TIA1: variants seen among roughly 807,000 people sequenced by gnomAD.
The protein encoded by TIA1 is cytotoxic granule associated RNA binding protein TIA1.
A neutral mutation model predicts 65.9 loss-of-function variants in TIA1; 23 were observed. The ratio of observed to expected loss-of-function variants is 0.35; its 90% CI spans 0.25 to 0.49. The LOEUF (loss-of-function observed/expected upper bound fraction) is 0.49, where lower values mean the gene tolerates loss of function less well. TIA1 is among the 20% of genes least tolerant of loss of function. The pLI is 0.98. For synonymous variants in TIA1, 147 were observed against 149.4 expected (o/e 0.98, Z 0.12); for missense variants, 371 against 477.9 (o/e 0.78, Z 2.09).
intron 7 of TIA1, among the ~76,000 whole-genome samples, chr2:70,218,177 T>G (rs1679508312): frequency 2.0e-5 from 3 of 152,048 alleles, no homozygotes; most frequent in Admixed American, 6.5e-5. Flanking sequence ...ACAGGATGAA[T>G]AAGAAAGGTC....
intron 3 of TIA1, among the ~76,000 whole-genome samples, chr2:70,229,794 T>G (rs1323179030): frequency 6.6e-6 from 1 of 151,908 alleles, no homozygotes; most frequent in African/African-American, 2.4e-5. Flanking sequence ...AAAAATTAGC[T>G]GGGCATGATG....
chr2:70,236,036 T>TA lies in TIA1; in HGVS notation c.123+42dup, dbSNP rs368044526. On this transcript the variant is annotated intron_variant, in intron 2 of 12. Transcript: ENST00000433529. ...CCAAGCAATGGCTTTAAGTAATGTGTAAAAAAAAAAAGAATAAAGTTAACT... is the reference window on the plus strand; with the variant it reads ...CCAAGCAATGGCTTTAAGTAATGTGTAAAAAAAAAAAAGAATAAAGTTAACT... 0.036 allele frequency: 33,700 copies of TA among 925,238 alleles called. 290 individuals are homozygous for TA. The highest frequency in any genetic ancestry group is 0.12 in the African/African-American group (7,124 of 58,428). The allele number at this position is 925,238 out of a possible 1,614,324, so 57.3% of individuals were successfully genotyped here. A position where few individuals can be genotyped will look rare whatever the true frequency, so the allele number is the denominator to read the frequency against.
At chr2:70,234,819 C>G (rs1688059058) in intron 2 of TIA1, among the ~76,000 whole-genome samples, 1 of 152,008 alleles carries the variant, frequency 6.6e-6, no homozygotes, top group African/African-American at 2.4e-5. Context: ...CTCGGCCTCC[C>G]AAAGTGCTGG....
upstream of TIA1, chr2:70,248,664 CG>C (rs1695629336): frequency 1.7e-6 from 1 of 599,528 alleles, no homozygotes; most frequent in African/African-American, 1.9e-5. Context: ...CAAAGTTACC[CG>C]GGCCGCGCAG....
intron 1 of TIA1, among the ~76,000 whole-genome samples, chr2:70,246,786 T>C (rs139096808): frequency 2.0e-5 from 3 of 151,938 alleles, no homozygotes; most frequent in African/African-American, 7.2e-5. Context: ...CTTGGGAGGG[T>C]GAGGCAGGAG....
chr2:70,238,419 C>A (rs1226624593), intron 1 of TIA1, among the ~76,000 whole-genome samples: 2 of 151,204 alleles, frequency 1.3e-5, no homozygotes, highest in African/African-American at 2.4e-5. Context: ...TACAGGCGCC[C>A]GCCACCACGC....
chr2:70,237,480 C>A (rs1689500314), intron 1 of TIA1, among the ~76,000 whole-genome samples: 1 of 152,188 alleles, frequency 6.6e-6, no homozygotes, highest in African/African-American at 2.4e-5. Flanking sequence ...GTTTTGCAAA[C>A]TGATTGCTTG....
chr2:70,234,781 C>A (rs2592180), intron 2 of TIA1, among the ~76,000 whole-genome samples: 1 of 151,476 alleles, frequency 6.6e-6, no homozygotes, highest in African/African-American at 2.4e-5. Flanking sequence ...AGGCTAGTCT[C>A]GAACTCCTGA....
chr2:70,221,629 A>C (rs1010414550), intron 7 of TIA1, among the ~76,000 whole-genome samples: 3 of 152,152 alleles, frequency 2.0e-5, no homozygotes, highest in African/African-American at 7.2e-5. Flanking sequence ...AAGTAGATTG[A>C]CAATTGTTCA....
chr2:70,216,004 G>A (rs540053160), intron 10 of TIA1: 69 of 523,938 alleles, frequency 1.3e-4, no homozygotes, highest in African/African-American at 1.2e-3. Flanking sequence ...CACCCGTCTC[G>A]GCCTCCCAAA....
chr2:70,229,217 C>T (rs1346823594), intron 4 of TIA1, 47 bp downstream of exon 4: 2 of 1,607,500 alleles, frequency 1.2e-6, no homozygotes, highest in Non-Finnish European at 1.7e-6. Context: ...AATAAAACTA[C>T]TGGGTACAAT....
At chr2:70,223,317 T>C (rs1682341197) in intron 7 of TIA1, among the ~76,000 whole-genome samples, 2 of 134,198 alleles carry the variant, frequency 1.5e-5, no homozygotes, top group African/African-American at 5.0e-5. Flanking sequence ...TAAATTCTCT[T>C]AATTTTTATT....
At chr2:70,244,696 G>T (rs1473394405) in intron 1 of TIA1, among the ~76,000 whole-genome samples, 1 of 151,846 alleles carries the variant, frequency 6.6e-6, no homozygotes, top group East Asian at 1.9e-4. Flanking sequence ...TTAGCCAGGC[G>T]TGGTGGCGGG....
At chr2:70,248,339 C>T in intron 1 of TIA1, 66 bp downstream of exon 1, 8 of 1,561,616 alleles carry the variant, frequency 5.1e-6, no homozygotes, top group Non-Finnish European at 6.9e-6. Context: ...GGGAGCGGCG[C>T]AGGGCCGAGG....
intron 1 of TIA1, among the ~76,000 whole-genome samples, chr2:70,246,659 G>A (rs940446840): frequency 1.3e-5 from 2 of 152,232 alleles, no homozygotes; most frequent in African/African-American, 4.8e-5. Context: ...GCCGAGGTGT[G>A]CGGATCACCT....
At chr2:70,236,267 C>T (rs553178118) in intron 1 of TIA1, 92 bp from the exon 2 acceptor site, 57 of 748,328 alleles carry the variant, frequency 7.6e-5, no homozygotes, top group Non-Finnish European at 1.2e-4. Flanking sequence ...GGCACGATCT[C>T]GGCTCACCAC....
chr2:70,214,643 A>AC (rs1429413984), intron 11 of TIA1, 149 bp from the exon 12 acceptor site: 5,347 of 486,180 alleles, frequency 0.011, 52 homozygotes, highest in African/African-American at 0.027. Flanking sequence ...AAAAAAAAAA[A>AC]AAAAAAAAAA....
At chr2:70,224,416 A>G (rs1396211106) in intron 7 of TIA1, 138 bp downstream of exon 7, 2 of 1,245,272 alleles carry the variant, frequency 1.6e-6, no homozygotes, top group African/African-American at 3.0e-5. Flanking sequence ...CAGACAAAAC[A>G]GAAGAAATCT....
intron 3 of TIA1, among the ~76,000 whole-genome samples, chr2:70,230,009 C>T (rs907368513): frequency 2.6e-5 from 4 of 151,322 alleles, no homozygotes; most frequent in East Asian, 3.9e-4. Context: ...GAGGCCGAGA[C>T]GGGCAGATCG....
Sources: allele counts gnomAD v4.1 joint callset (sites outside exome capture counted in the v4.1 genomes callset), GRCh38; gene constraint gnomAD v4.1.1; transcripts MANE v1.5; gene names NCBI Gene and HGNC (gene_info 2026-07-23, HGNC 2026-07-21).